The following HAUS7 variants were observed in gnomAD, a reference collection of about 807,000 sequenced individuals.
HAUS7 encodes the protein HAUS augmin like complex subunit 7, also known as HAUS augmin-like complex subunit 7.
In HAUS7, 3 loss-of-function variants were observed where a neutral mutation model predicts 28.4. The ratio of observed to expected loss-of-function variants is 0.11; its 90% CI spans 0.05 to 0.27. The LOEUF (loss-of-function observed/expected upper bound fraction) is 0.27, where lower values mean the gene tolerates loss of function less well. Among genes scored for constraint, HAUS7 ranks in the 10% least tolerant of loss-of-function variants. The pLI is 1.00. For missense variants in HAUS7, 284 were observed against 297.3 expected (o/e 0.96, Z 0.33); for synonymous variants, 165 against 132.1 (o/e 1.25, Z -1.71).
At chrX:153,470,735 G>C (rs2089513503), upstream of HAUS7, 5 of 640,983 alleles carry the variant, frequency 7.8e-6, no homozygotes, top group Non-Finnish European at 1.2e-5. Context: ...CCCCCGCCCC[G>C]GCACCACCCA....
In HAUS7 at chrX:153,447,810, C is replaced by A. The variant is rs932738109; in HGVS notation, c.*68G>T. On this transcript the variant is annotated 3_prime_UTR_variant, in exon 10 of 10. Transcript: ENST00000370211. ...CACAATCATCCATCCTCGGCCAACT[C>A]GATCTTGGGAGAGGGCTTCCTGCCC... 3 of 919,782 alleles carry A rather than the reference C, an allele frequency of 3.3e-6. No homozygotes were observed. The highest frequency in any genetic ancestry group is 2.2e-5 in the Admixed American group (1 of 45,819). The allele number at this position is 919,782 out of a possible 1,213,427, so 75.8% of individuals were successfully genotyped here.
rs1284249710 is a variant in HAUS7, at chrX:153,493,341, G to T, written c.-589+2033C>A. 1.6e-4 allele frequency among the ~76,000 whole-genome samples: 18 copies of T among 112,020 alleles called. No homozygotes were observed. The Admixed American group carries it at 1.7e-3, about 11-fold the overall frequency. ...AAATGCTTCTCTCTCCACCCAGACTGCTAGTCAGGCTTCGCTGCCTGTCCC... is the reference window on the plus strand; with the variant it reads ...AAATGCTTCTCTCTCCACCCAGACTTCTAGTCAGGCTTCGCTGCCTGTCCC... On this transcript the variant is annotated intron_variant, in intron 1 of 5. Coordinates refer to the HAUS7 transcript ENST00000370210.
At position 153,456,473 on chromosome X, in the gene HAUS7, A is replaced by G. The variant is rs1249483369; in HGVS notation, c.605+20T>C. On this transcript the variant is annotated intron_variant, in intron 6 of 9. Transcript: ENST00000370211. The stretch of plus-strand genomic sequence containing the variant: ...ACAGGAGGCCAGGGTGCTGCCACTG[A>G]GGCCTCCAGGAGCACGTACCACTGC... 8.5e-7 allele frequency: 1 copy of G among 1,177,764 alleles called. No individual in the cohort carries two copies. The highest frequency in any genetic ancestry group is 2.4e-5 in the Admixed American group (1 of 41,920).
rs1556984756 is a variant in HAUS7, at chrX:153,469,150, T to C, written c.220A>G (p.Thr74Ala). Reference sequence around the variant, plus strand: ...AGGAAGAAACTGATGCATTACCGGGTACACATCCACTCTAGGATCTCCAAG... The same window carrying C: ...AGGAAGAAACTGATGCATTACCGGGCACACATCCACTCTAGGATCTCCAAG... Reference protein sequence around the residue: ...YRLEILEWMCTRVWPSLQDRF... With the variant: ...YRLEILEWMCARVWPSLQDRF... The change falls in exon 2 of 10, where the codon ACC becomes GCC. Residue 74 changes from threonine to alanine, a missense_variant. By Grantham distance (58) the Thr-to-Ala change is moderately conservative. Transcript: ENST00000370211. 5 of 1,096,354 alleles carry C rather than the reference T, an allele frequency of 4.6e-6. No homozygotes were observed. Among genetic ancestry groups the C allele is most frequent in the Non-Finnish European group, 6.3e-6 (5 of 791,777 alleles). 90.4% of individuals were successfully genotyped at this position (1,096,354 alleles called of 1,213,427 possible).
chrX:153,479,470 A>G (rs1396859670), intron 1 of HAUS7: 4 of 606,796 alleles, frequency 6.6e-6, no homozygotes, highest in Non-Finnish European at 7.9e-6. Flanking sequence ...AGGGCTGCAA[A>G]GGGCCCATGG....
At chrX:153,471,923 C>T (rs888867816), upstream of HAUS7, among the ~76,000 whole-genome samples, 2 of 112,631 alleles carry the variant, frequency 1.8e-5, no homozygotes, top group Admixed American at 9.3e-5. Flanking sequence ...TGAGGGCTGT[C>T]AAAGGCTTTG....
chrX:153,456,368 C>A lies in HAUS7; in HGVS notation c.606-4G>T. The A allele has an allele frequency of 8.3e-7, 1 of 1,203,389 alleles. No homozygotes were observed. Among genetic ancestry groups the A allele is most frequent in the Non-Finnish European group, 1.1e-6 (1 of 888,033 alleles). On this transcript the variant is annotated splice_region_variant and splice_polypyrimidine_tract_variant and intron_variant, in intron 6 of 9. Coordinates refer to ENST00000370211, the MANE Select transcript of HAUS7 (RefSeq NM_001385482.1). The stretch of plus-strand genomic sequence containing the variant: ...GGACTTGGCAGAGGCACTGGCCCTG[C>A]AGGGAGAGAAAGGGAACACTTGCAA...
intron 3 of HAUS7, among the ~76,000 whole-genome samples, chrX:153,463,319 C>T (rs1476167877): frequency 9.0e-6 from 1 of 111,661 alleles, no homozygotes; most frequent in African/African-American, 3.3e-5. Flanking sequence ...ACTCAGTAAC[C>T]CCAGAACCAC....
intron 9 of HAUS7, among the ~76,000 whole-genome samples, chrX:153,450,568 C>A (rs1556980894): frequency 8.9e-6 from 1 of 112,543 alleles, no homozygotes; most frequent in Non-Finnish European, 1.9e-5. Context: ...TCTCCTGTCC[C>A]ATTCTTGCAC....
chrX:153,488,001 G>C (rs782565654), intron 1 of HAUS7, among the ~76,000 whole-genome samples: 1 of 113,113 alleles, frequency 8.8e-6, no homozygotes, highest in East Asian at 2.8e-4. Flanking sequence ...TGCCAGGAAG[G>C]GATAGGGACA....
rs1014165570 is a variant in HAUS7, at chrX:153,480,861, G to A, written c.-588-9716C>T. On this transcript the variant is annotated intron_variant, in intron 1 of 5. Transcript: ENST00000370210. ...CATGAGGGCTGGGGCAGGGAAGCCC[G>A]AGGCCTTGAAGCTGAGGCCCTGGCA... 4.0e-5 allele frequency: 30 copies of A among 754,066 alleles called. No individual in the cohort carries two copies. In the African/African-American group the frequency reaches 5.0e-4, roughly 13 times the overall value. The allele number at this position is 754,066 out of a possible 1,213,427, so 62.1% of individuals were successfully genotyped here. A position where few individuals can be genotyped will look rare whatever the true frequency, so the allele number is the denominator to read the frequency against.
chrX:153,467,251 C>T (rs904570828), intron 2 of HAUS7, among the ~76,000 whole-genome samples: 15 of 112,116 alleles, frequency 1.3e-4, no homozygotes, highest in African/African-American at 4.5e-4. Flanking sequence ...AAGCCATCTG[C>T]CACTCAGCGC....
At chrX:153,456,216 G>A (rs1556982114) in intron 7 of HAUS7, 49 bp downstream of exon 7, 2 of 998,765 alleles carry the variant, frequency 2.0e-6, no homozygotes. Flanking sequence ...AGGTGACAAA[G>A]CAGGGCCTTG....
chrX:153,488,546 T>A (rs1368196861), intron 1 of HAUS7, among the ~76,000 whole-genome samples: 1 of 112,365 alleles, frequency 8.9e-6, no homozygotes, highest in Non-Finnish European at 1.9e-5. Flanking sequence ...TGTGGGCTGT[T>A]TGCTTTGGAC....
chrX:153,463,966 A>G (rs2089425545), intron 3 of HAUS7, among the ~76,000 whole-genome samples: 1 of 112,666 alleles, frequency 8.9e-6, no homozygotes, highest in South Asian at 3.6e-4. Context: ...CTAGCACGCA[A>G]GCGCCACGAG....
At position 153,486,822 on chromosome X, in the gene HAUS7, G is replaced by A. The variant is rs1177585743; in HGVS notation, c.-589+8552C>T. On this transcript the variant is annotated intron_variant, in intron 1 of 5. Transcript: ENST00000370210. ...AGGAGGGCTCCTAGTCCTGCCTGCC[G>A]CCTTCCTCCAGCACACACTCTGCTT... 21 of 978,982 alleles carry A rather than the reference G, an allele frequency of 2.1e-5. No individual in the cohort carries two copies. The Admixed American group carries it at 4.3e-4, about 20-fold the overall frequency. The allele number at this position is 978,982 out of a possible 1,213,427, so 80.7% of individuals were successfully genotyped here. A position where few individuals can be genotyped will look rare whatever the true frequency, so the allele number is the denominator to read the frequency against.
At chrX:153,458,335 C>T (rs1488000702) in intron 4 of HAUS7, among the ~76,000 whole-genome samples, 2 of 112,909 alleles carry the variant, frequency 1.8e-5, no homozygotes, top group Non-Finnish European at 3.7e-5. Context: ...CTGGGGGCAG[C>T]GGGCTGCCAC....
chrX:153,488,867 G>A (rs2089654943), intron 1 of HAUS7, among the ~76,000 whole-genome samples: 2 of 113,128 alleles, frequency 1.8e-5, no homozygotes, highest in African/African-American at 6.4e-5. Flanking sequence ...AAGGGGAGGG[G>A]CCCCTCAGCT....
chrX:153,492,149 C>T lies in HAUS7; in HGVS notation c.-589+3225G>A, dbSNP rs1038073827. On this transcript the variant is annotated intron_variant, in intron 1 of 5. Transcript: ENST00000370210. ...GCCTTGCGCCCCCCGTGCCTGCCTT[C>T]CCCCTGCTTCCCCCTGCCTCCTCCC... is the stretch of plus-strand genomic sequence containing the variant. Among the ~76,000 whole-genome samples the T allele has an allele frequency of 7.9e-5, 9 of 113,338 alleles. No individual in the cohort carries two copies. In the South Asian group the frequency reaches 3.2e-3, roughly 40 times the overall value.
Sources: gnomAD v4.1 joint callset for allele counts (sites outside exome capture counted in the v4.1 genomes callset) on GRCh38, gnomAD v4.1.1 for gene constraint, MANE v1.5 for transcripts, NCBI Gene and HGNC (gene_info 2026-07-23, HGNC 2026-07-21) for gene names.